UTRN: variants seen among roughly 807,000 people sequenced by gnomAD.
UTRN encodes the protein dystrophin-related protein 1.
Under a neutral mutation model 463.9 loss-of-function variants are expected in UTRN, and 283 were observed. That is an observed-to-expected ratio of 0.61 (90% CI 0.55 to 0.67). The LOEUF is 0.67. Among genes scored for constraint, UTRN ranks in the 30% least tolerant of loss-of-function variants. The probability of loss-of-function intolerance (pLI) is 0.00; values close to 1 mark genes in which losing one functional copy is unlikely to be tolerated. For missense variants in UTRN, 3,922 were observed against 4,084.3 expected (o/e 0.96, Z 1.08); for synonymous variants, 1,442 against 1,431.5 (o/e 1.01, Z -0.17).
At chr6:144,751,521 G>A (rs1308843713) in intron 55 of UTRN, among the ~76,000 whole-genome samples, 1 of 152,174 alleles carries the variant, frequency 6.6e-6, no homozygotes, top group Admixed American at 6.5e-5. Flanking sequence ...GACCCCGCAT[G>A]TACCAAAACT....
chr6:144,437,305 T>G (rs2114892090), intron 10 of UTRN, among the ~76,000 whole-genome samples: 1 of 152,314 alleles, frequency 6.6e-6, no homozygotes, highest in South Asian at 2.1e-4. Flanking sequence ...AGTAGCATAG[T>G]CAGCATTTAC....
chr6:144,401,775 G>A (rs772264606), intron 2 of UTRN, among the ~76,000 whole-genome samples: 1 of 152,094 alleles, frequency 6.6e-6, no homozygotes, highest in Non-Finnish European at 1.5e-5. Flanking sequence ...CACAAACTGG[G>A]TGAAGTGGTA....
At chr6:144,826,514 G>C (rs1780201143) in intron 66 of UTRN, among the ~76,000 whole-genome samples, 1 of 152,062 alleles carries the variant, frequency 6.6e-6, no homozygotes, top group Non-Finnish European at 1.5e-5. Flanking sequence ...GTTGGAACTA[G>C]CTTTTAATTA....
chr6:144,309,905 C>A (rs1415413171), intron 2 of UTRN, among the ~76,000 whole-genome samples: 4 of 152,232 alleles, frequency 2.6e-5, no homozygotes, highest in Non-Finnish European at 5.9e-5. Flanking sequence ...CAGGTCAGGG[C>A]CTGAGCCCTC....
chr6:144,400,234 TTATACA>T (rs543449984), intron 2 of UTRN, among the ~76,000 whole-genome samples: 83 of 152,344 alleles, frequency 5.4e-4, no homozygotes, highest in African/African-American at 1.9e-3. Flanking sequence ...TCACTTAATA[TTATACA>T]TATATATTTA....
At chr6:144,426,609 A>G (rs990520200) in intron 7 of UTRN, 150 bp downstream of exon 7, 8 of 844,616 alleles carry the variant, frequency 9.5e-6, no homozygotes, top group East Asian at 3.1e-5. Flanking sequence ...GAAAAGAAAT[A>G]TCATGGAAGA....
chr6:144,356,533 A>G (rs1191784199), intron 2 of UTRN, among the ~76,000 whole-genome samples: 2 of 152,162 alleles, frequency 1.3e-5, no homozygotes, highest in South Asian at 2.1e-4. Flanking sequence ...GTTATTTCTG[A>G]TAACTTTTAA....
intron 9 of UTRN, among the ~76,000 whole-genome samples, chr6:144,435,493 A>G (rs868535478): frequency 1.5e-4 from 23 of 152,232 alleles, no homozygotes; most frequent in Admixed American, 5.9e-4. Flanking sequence ...CCTAAGGGTC[A>G]AGGCAGAATT....
At chr6:144,575,362 C>T (rs1413925206) in intron 50 of UTRN, among the ~76,000 whole-genome samples, 2 of 152,088 alleles carry the variant, frequency 1.3e-5, no homozygotes, top group East Asian at 1.9e-4. Flanking sequence ...AGACATTTCT[C>T]CCTCTATGTA....
chr6:144,425,309 TGA>T (rs748470445), intron 6 of UTRN, among the ~76,000 whole-genome samples: 1 of 152,142 alleles, frequency 6.6e-6, no homozygotes, highest in Non-Finnish European at 1.5e-5. Context: ...CGGGGATAGG[TGA>T]TATCTGTTCT....
chr6:144,395,222 C>A (rs559646935), intron 2 of UTRN, among the ~76,000 whole-genome samples: 6 of 151,970 alleles, frequency 3.9e-5, no homozygotes, highest in Non-Finnish European at 7.4e-5. Context: ...TCACTGTGTC[C>A]TAAATAATCC....
intron 50 of UTRN, among the ~76,000 whole-genome samples, chr6:144,573,698 G>GAATAA (rs148232067): frequency 0.16 from 23,668 of 149,984 alleles, 2,116 homozygotes; most frequent in South Asian, 0.3. Flanking sequence ...TCCATCTCTA[G>GAATAA]AATAAAATAA....
At chr6:144,791,116 T>G (rs1586587854) in intron 62 of UTRN, among the ~76,000 whole-genome samples, 1 of 152,230 alleles carries the variant, frequency 6.6e-6, no homozygotes, top group African/African-American at 2.4e-5. Flanking sequence ...TTTATTTTGC[T>G]TTTTACTTTG....
intron 50 of UTRN, among the ~76,000 whole-genome samples, chr6:144,572,583 T>A (rs1411149748): frequency 6.6e-6 from 1 of 151,968 alleles, no homozygotes; most frequent in African/African-American, 2.4e-5. Flanking sequence ...GTGTGTGATG[T>A]TTCCCTCCCT....
intron 34 of UTRN, among the ~76,000 whole-genome samples, chr6:144,502,091 GTTTT>G (rs1330744219): frequency 6.9e-6 from 1 of 145,502 alleles, no homozygotes; most frequent in Non-Finnish European, 1.5e-5. Context: ...TTCCTTTTTT[GTTTT>G]TTTAAGTTTT....
chr6:144,431,410 T>TA (rs896241212), intron 9 of UTRN, among the ~76,000 whole-genome samples: 4 of 152,226 alleles, frequency 2.6e-5, no homozygotes, highest in African/African-American at 7.2e-5. Context: ...GAGGCTGAAT[T>TA]ACGTTAATTG....
Position 144,488,660 on chromosome 6 carries a change from C to A in UTRN, c.3973-13C>A, listed in dbSNP as rs1792724128. ...TGTTGGGCAACTAATGATTCAATTT[C>A]TCCTTTGTGCAGGCAGAGAGCAAGC... On this transcript the variant is annotated splice_polypyrimidine_tract_variant and intron_variant, in intron 29 of 74. Coordinates refer to ENST00000367545, the MANE Select transcript of UTRN (RefSeq NM_007124.3). The A allele has an allele frequency of 6.2e-7, 1 of 1,607,612 alleles. No homozygotes were observed. Among genetic ancestry groups the A allele is most frequent in the African/African-American group, 1.3e-5 (1 of 74,740 alleles).
In UTRN at chr6:144,458,827, A is replaced by T; in HGVS notation, c.2342A>T (p.Lys781Met). 4.3e-6 allele frequency: 7 copies of T among 1,612,872 alleles called. No homozygotes were observed. Among genetic ancestry groups the T allele is most frequent in the Non-Finnish European group, 5.9e-6 (7 of 1,179,732 alleles). The change falls in exon 20 of 75, where the codon AAG becomes ATG. Residue 781 changes from lysine (K) to methionine (M), a missense_variant. Lys to Met is a moderately conservative substitution (Grantham distance 95). Around this residue, in one of 3 missense-constraint regions of UTRN, gnomAD observed 2,349 missense variants for 2,303.8 expected, o/e 1.02. Coordinates refer to ENST00000367545, the MANE Select transcript of UTRN (RefSeq NM_007124.3). Reference sequence around the variant, plus strand: ...CTGGAGAAGGTTTCATCAGAATGGAAGAATGTATCTCAACATTTGGAAGAT... The same window carrying T: ...CTGGAGAAGGTTTCATCAGAATGGATGAATGTATCTCAACATTTGGAAGAT... ...NVLEKVSSEW[K>M]NVSQHLEDLE...
At chr6:144,580,261 A>C (rs1197350386) in intron 51 of UTRN, among the ~76,000 whole-genome samples, 2 of 140,752 alleles carry the variant, frequency 1.4e-5, no homozygotes, top group African/African-American at 5.5e-5. Flanking sequence ...GTCTTTGTGC[A>C]CTAAGGAAGA....
Sources: gnomAD v4.1 joint callset for allele counts (sites outside exome capture counted in the v4.1 genomes callset) on GRCh38, gnomAD v4.1.1 for gene constraint, gnomAD v4.1.1 regional missense constraint, MANE v1.5 for transcripts, NCBI Gene and HGNC (gene_info 2026-07-23, HGNC 2026-07-21) for gene names.